VIPR2: variants seen among roughly 807,000 people sequenced by gnomAD.
The protein encoded by VIPR2 is vasoactive intestinal peptide receptor 2.
Under a neutral mutation model 58.0 loss-of-function variants are expected in VIPR2, and 48 were observed. The observed-to-expected ratio is 0.83, with a 90% CI of 0.66 to 1.05. VIPR2 has a LOEUF of 1.05. Among genes scored for constraint, VIPR2 ranks in the 50% least tolerant of loss-of-function variants. The pLI is 0.00. For missense variants in VIPR2, 534 were observed against 558.0 expected (o/e 0.96, Z 0.43); for synonymous variants, 243 against 235.2 (o/e 1.03, Z -0.30).
At chr7:159,038,756 A>G (rs1854132111) in intron 6 of VIPR2, among the ~76,000 whole-genome samples, 1 of 152,226 alleles carries the variant, frequency 6.6e-6, no homozygotes, top group Admixed American at 6.5e-5. Context: ...AAGACGGGAA[A>G]TCTGAAATGA....
intron 4 of VIPR2, among the ~76,000 whole-genome samples, chr7:159,075,454 AAC>A (rs1434058921): frequency 1.3e-5 from 2 of 152,250 alleles, no homozygotes; most frequent in African/African-American, 4.8e-5. Flanking sequence ...CCTATTTGCA[AAC>A]AGTTTGTTTC....
chr7:159,103,862 G>C lies in VIPR2; in HGVS notation c.260-8C>G. 1 of 1,611,326 alleles carries C rather than the reference G, an allele frequency of 6.2e-7. No homozygotes were observed. The highest frequency in any genetic ancestry group is 8.5e-7 in the Non-Finnish European group (1 of 1,177,484). On this transcript the variant is annotated splice_region_variant and splice_polypyrimidine_tract_variant and intron_variant, in intron 3 of 12. Transcript: ENST00000262178. ...AGTTTTTGCTTATGTTTCCTGGAAA[G>C]TGAAGTTCAGATATTTTATCTGCAA...
intron 2 of VIPR2, among the ~76,000 whole-genome samples, 185 bp from the exon 3 acceptor site, chr7:159,110,104 T>C (rs539364906): frequency 1.5e-4 from 23 of 152,364 alleles, no homozygotes; most frequent in Admixed American, 1.4e-3. Flanking sequence ...AATAACCATA[T>C]GGTGGTAGAA....
At position 159,096,572 on chromosome 7, in the gene VIPR2, C is replaced by T. The variant is rs982503155; in HGVS notation, c.357+7185G>A. On this transcript the variant is annotated intron_variant, in intron 4 of 12. Coordinates refer to ENST00000262178, the MANE Select transcript of VIPR2 (RefSeq NM_003382.5). The surrounding 1 kb of genome is among the most constrained non-coding windows in gnomAD (Gnocchi z 5.5). ...CCCAATCGCCATCCCCAGGCACCAGCGTATCTGTGCATTTCCTTCTTAACC... is the reference window on the plus strand; with the variant it reads ...CCCAATCGCCATCCCCAGGCACCAGTGTATCTGTGCATTTCCTTCTTAACC... Among the ~76,000 whole-genome samples, 2 of 152,250 alleles carry T rather than the reference C, an allele frequency of 1.3e-5. No homozygotes were observed. The highest frequency in any genetic ancestry group is 6.5e-5 in the Admixed American group (1 of 15,286).
In VIPR2 at chr7:159,031,584, G is replaced by A. The variant is rs1853589234; in HGVS notation, c.1143+244C>T. ...AGCTTTCCCGAGAGGGCTCCGAGAC[G>A]GACGGCAGTCGATGCTACTTAGGGT... On this transcript the variant is annotated intron_variant, in intron 12 of 12. Transcript: ENST00000262178. This position sits in a 1 kb window ranked among gnomAD's most constrained non-coding sequence, Gnocchi z 4.0. The A allele has an allele frequency of 1.0e-6, 1 of 985,384 alleles. No homozygotes were observed. Among genetic ancestry groups the A allele is most frequent in the Non-Finnish European group, 1.2e-6 (1 of 829,916 alleles). 61.0% of individuals were successfully genotyped at this position (985,384 alleles called of 1,614,324 possible).
intron 4 of VIPR2, among the ~76,000 whole-genome samples, chr7:159,078,283 C>A (rs929359649): frequency 6.6e-6 from 1 of 152,214 alleles, no homozygotes; most frequent in African/African-American, 2.4e-5. Flanking sequence ...CAACTAGTAA[C>A]CTTTTTTTTT....
chr7:159,070,154 C>T (rs563170726), intron 4 of VIPR2, among the ~76,000 whole-genome samples: 6 of 152,266 alleles, frequency 3.9e-5, no homozygotes, highest in South Asian at 2.1e-4. Flanking sequence ...GCATATTCAT[C>T]GTGAGATTCC....
intron 4 of VIPR2, among the ~76,000 whole-genome samples, chr7:159,064,784 C>T (rs1855989276): frequency 6.6e-6 from 1 of 152,196 alleles, no homozygotes; most frequent in Non-Finnish European, 1.5e-5. Context: ...GCCGCCTGTG[C>T]ACAGCTGTGT....
intron 6 of VIPR2, among the ~76,000 whole-genome samples, chr7:159,038,730 T>C (rs1854130165): frequency 6.6e-6 from 1 of 152,070 alleles, no homozygotes; most frequent in Non-Finnish European, 1.5e-5. Flanking sequence ...AATCTCAGAA[T>C]AGAAACCTCT....
At chr7:159,083,763 G>T (rs918339325) in intron 4 of VIPR2, among the ~76,000 whole-genome samples, 1 of 152,254 alleles carries the variant, frequency 6.6e-6, no homozygotes, top group African/African-American at 2.4e-5. Flanking sequence ...ATTTGGAAGA[G>T]AACCTGTGGT....
At chr7:159,084,554 G>C (rs1234817275) in intron 4 of VIPR2, among the ~76,000 whole-genome samples, 1 of 152,236 alleles carries the variant, frequency 6.6e-6, no homozygotes, top group Admixed American at 6.5e-5. Context: ...CCGGGCACGG[G>C]ATTCAGGGCA....
At chr7:159,113,090 G>A (rs1440923829) in intron 2 of VIPR2, among the ~76,000 whole-genome samples, 6 of 152,076 alleles carry the variant, frequency 3.9e-5, no homozygotes, top group African/African-American at 1.2e-4. Context: ...CTCTCACATT[G>A]TTTTAGATTG....
chr7:159,113,398 C>A (rs2129496461), intron 2 of VIPR2, among the ~76,000 whole-genome samples: 1 of 152,260 alleles, frequency 6.6e-6, no homozygotes, highest in East Asian at 1.9e-4. Flanking sequence ...GCGTTGTGAG[C>A]CCTTAAAAGG....
intron 5 of VIPR2, among the ~76,000 whole-genome samples, chr7:159,049,430 G>A (rs948108266): frequency 2.0e-5 from 3 of 152,304 alleles, no homozygotes; most frequent in Middle Eastern, 3.4e-3. Context: ...GAGCGCCTGG[G>A]CCCTCCAGGG....
chr7:159,101,360 G>A (rs56386873), intron 4 of VIPR2, among the ~76,000 whole-genome samples: 2 of 131,228 alleles, frequency 1.5e-5, no homozygotes, highest in African/African-American at 5.9e-5. Context: ...GTAGTGAACG[G>A]GTCTCACGAG....
At chr7:159,073,752 C>G (rs545579220) in intron 4 of VIPR2, among the ~76,000 whole-genome samples, 30 of 152,226 alleles carry the variant, frequency 2.0e-4, no homozygotes, top group Admixed American at 3.3e-4. Context: ...TTTCTTAGGT[C>G]TCATTAGAAC....
chr7:159,057,051 G>A (rs990005991), intron 5 of VIPR2, among the ~76,000 whole-genome samples: 21 of 152,166 alleles, frequency 1.4e-4, no homozygotes, highest in African/African-American at 4.8e-4. Context: ...AATTCCTGAT[G>A]CTCTTGGGTT....
At chr7:159,136,545 G>A (rs893227084) in intron 2 of VIPR2, among the ~76,000 whole-genome samples, 1 of 152,032 alleles carries the variant, frequency 6.6e-6, no homozygotes, top group African/African-American at 2.4e-5. Flanking sequence ...GACAACCACT[G>A]CTGCCCCGGA....
chr7:159,063,177 CG>C (rs1030422094), intron 4 of VIPR2, among the ~76,000 whole-genome samples: 255 of 152,214 alleles, frequency 1.7e-3, no homozygotes, highest in African/African-American at 5.8e-3. Context: ...CCAGGTGCCG[CG>C]GAGCAGGGGG....
Sources: allele counts gnomAD v4.1 joint callset (sites outside exome capture counted in the v4.1 genomes callset), GRCh38; gene constraint gnomAD v4.1.1; non-coding constraint Gnocchi (gnomAD v3.1); transcripts MANE v1.5; gene names NCBI Gene and HGNC (gene_info 2026-07-23, HGNC 2026-07-21).